Variants in DLG2 observed in about 807,000 individuals in gnomAD.
DLG2 encodes the protein disks large homolog 2.
In DLG2, 45 loss-of-function variants were observed where a neutral mutation model predicts 132.5. That is an observed-to-expected ratio of 0.34 (90% CI 0.27 to 0.44). The LOEUF (loss-of-function observed/expected upper bound fraction) is 0.44. Among genes scored for constraint, DLG2 ranks in the 20% least tolerant of loss-of-function variants. DLG2 has a pLI of 1.00. For missense variants in DLG2, 1,045 were observed against 1,196.9 expected (o/e 0.87, Z 1.87); for synonymous variants, 424 against 419.6 (o/e 1.01, Z -0.13).
At chr11:84,278,546 T>C (rs1408672491) in intron 7 of DLG2, among the ~76,000 whole-genome samples, 3 of 151,954 alleles carry the variant, frequency 2.0e-5, no homozygotes, top group Non-Finnish European at 2.9e-5. Context: ...CTAATATCAA[T>C]AAACCCTCAT....
intron 6 of DLG2, among the ~76,000 whole-genome samples, chr11:85,024,639 T>C (rs2060362935): frequency 6.6e-6 from 1 of 152,212 alleles, no homozygotes; most frequent in African/African-American, 2.4e-5. Context: ...TGCCAGTTGT[T>C]AGCAGAGAAA....
chr11:85,218,863 T>C (rs1191607442), intron 4 of DLG2, among the ~76,000 whole-genome samples: 1 of 152,116 alleles, frequency 6.6e-6, no homozygotes, highest in Non-Finnish European at 1.5e-5. Context: ...AGTATATATA[T>C]ACCATGGAAT....
chr11:83,921,179 G>C (rs2077814617), intron 15 of DLG2, among the ~76,000 whole-genome samples: 1 of 152,164 alleles, frequency 6.6e-6, no homozygotes, highest in East Asian at 1.9e-4. Flanking sequence ...ATAAAGTTCT[G>C]CTGGGTAGGT....
intron 21 of DLG2, among the ~76,000 whole-genome samples, chr11:83,522,694 A>G (rs570419488): frequency 7.1e-4 from 108 of 152,122 alleles, no homozygotes; most frequent in African/African-American, 2.5e-3. Flanking sequence ...CTTGCTATCT[A>G]TTCTCCAGAG....
intron 3 of DLG2, among the ~76,000 whole-genome samples, chr11:85,414,571 C>A (rs1017803266): frequency 6.6e-6 from 1 of 151,840 alleles, no homozygotes; most frequent in Non-Finnish European, 1.5e-5. Context: ...GTATATTCTG[C>A]GGTTTTTGGA....
At chr11:83,484,684 T>TATC (rs1224736455) in intron 21 of DLG2, among the ~76,000 whole-genome samples, 9 of 152,286 alleles carry the variant, frequency 5.9e-5, no homozygotes, top group Non-Finnish European at 8.8e-5. Flanking sequence ...ACAAATGTCT[T>TATC]ATCACCATCA....
chr11:83,797,437 A>AC (rs2043104273), intron 17 of DLG2, among the ~76,000 whole-genome samples: 3 of 152,282 alleles, frequency 2.0e-5, no homozygotes, highest in Admixed American at 2.0e-4. Flanking sequence ...GTCCGAGGGT[A>AC]CATTGCTAAC....
intron 6 of DLG2, among the ~76,000 whole-genome samples, chr11:85,091,750 A>G (rs1566830193): frequency 6.6e-6 from 1 of 152,212 alleles, no homozygotes; most frequent in Non-Finnish European, 1.5e-5. Flanking sequence ...TTTTATCATG[A>G]GATTGCAGCA....
intron 7 of DLG2, among the ~76,000 whole-genome samples, chr11:84,518,701 A>G (rs996114083): frequency 2.0e-5 from 3 of 152,054 alleles, no homozygotes; most frequent in Non-Finnish European, 2.9e-5. Flanking sequence ...TTTTCCCCCC[A>G]ATTAAATCAC....
At chr11:84,807,148 T>C (rs1461957806) in intron 6 of DLG2, among the ~76,000 whole-genome samples, 1 of 151,570 alleles carries the variant, frequency 6.6e-6, no homozygotes, top group Non-Finnish European at 1.5e-5. Flanking sequence ...AATAGAAAAT[T>C]AGAAATAAAA....
intron 4 of DLG2, among the ~76,000 whole-genome samples, chr11:85,238,997 T>C (rs1275027268): frequency 2.0e-5 from 3 of 152,068 alleles, no homozygotes; most frequent in Non-Finnish European, 4.4e-5. Context: ...TCCAGCATCA[T>C]TAGTGGCACT....
chr11:84,685,254 C>T lies in DLG2; in HGVS notation c.358-150523G>A, dbSNP rs556953674. ...TCCTGTGAGTTCCTAGAAAGCTGGC[C>T]TTTCCATATTTGTGTCCTCAATGCC... On this transcript the variant is annotated intron_variant, in intron 6 of 27. Coordinates refer to ENST00000376104, the MANE Select transcript of DLG2 (RefSeq NM_001142699.3). Among the ~76,000 whole-genome samples, 94 of 152,308 alleles carry T rather than the reference C, an allele frequency of 6.2e-4. 3 individuals carry two copies. The highest frequency in any genetic ancestry group is 2.0e-3 in the African/African-American group (82 of 41,570).
intron 3 of DLG2, among the ~76,000 whole-genome samples, chr11:85,367,613 A>C (rs560599908): frequency 6.6e-6 from 1 of 152,288 alleles, no homozygotes; most frequent in South Asian, 2.1e-4. Flanking sequence ...AATTATGTGC[A>C]TTTGAGCAAG....
chr11:83,495,954 T>C (rs1020777617), intron 21 of DLG2, among the ~76,000 whole-genome samples: 2 of 151,988 alleles, frequency 1.3e-5, no homozygotes, highest in Non-Finnish European at 2.9e-5. Context: ...AAAGCACAAA[T>C]GATAAATAAA....
At chr11:84,292,511 A>T (rs895563367) in intron 7 of DLG2, among the ~76,000 whole-genome samples, 1 of 152,100 alleles carries the variant, frequency 6.6e-6, no homozygotes, top group African/African-American at 2.4e-5. Flanking sequence ...TTGAAGGGTA[A>T]ATTGAGTTCA....
intron 11 of DLG2, among the ~76,000 whole-genome samples, chr11:84,054,407 T>C (rs1428532958): frequency 6.6e-6 from 1 of 152,066 alleles, no homozygotes; most frequent in Non-Finnish European, 1.5e-5. Context: ...CAAGCCTAAA[T>C]GGATTTGCCT....
intron 7 of DLG2, among the ~76,000 whole-genome samples, chr11:84,486,265 A>G (rs974704434): frequency 6.6e-6 from 1 of 152,118 alleles, no homozygotes; most frequent in African/African-American, 2.4e-5. Context: ...AGCAAGGCTC[A>G]AGCACCTTAA....
intron 6 of DLG2, among the ~76,000 whole-genome samples, chr11:84,621,957 T>C (rs145670934): frequency 6.6e-6 from 1 of 152,202 alleles, no homozygotes; most frequent in Non-Finnish European, 1.5e-5. Flanking sequence ...AAGTTGCTTG[T>C]TGAAATTGTA....
intron 4 of DLG2, among the ~76,000 whole-genome samples, chr11:85,158,856 T>C (rs570593453): frequency 2.6e-5 from 4 of 152,274 alleles, no homozygotes; most frequent in Admixed American, 2.0e-4. Flanking sequence ...ATACTTAATG[T>C]ATACAAGCAG....
Sources: allele counts gnomAD v4.1 joint callset (sites outside exome capture counted in the v4.1 genomes callset), GRCh38; gene constraint gnomAD v4.1.1; transcripts MANE v1.5; gene names NCBI Gene and HGNC (gene_info 2026-07-23, HGNC 2026-07-21).